Variants in PDGFD observed in about 807,000 individuals in gnomAD.
The protein encoded by PDGFD is platelet-derived growth factor D.
Under a neutral mutation model 44.7 loss-of-function variants are expected in PDGFD, and 30 were observed. The ratio of observed to expected loss-of-function variants is 0.67; its 90% CI spans 0.50 to 0.91. The LOEUF is 0.91. PDGFD is among the 40% of genes least tolerant of loss of function. The pLI is 0.00. For missense variants in PDGFD, 445 were observed against 457.8 expected (o/e 0.97, Z 0.25); for synonymous variants, 173 against 168.4 (o/e 1.03, Z -0.21).
chr11:104,153,824 G>T (rs920115007), intron 1 of PDGFD, among the ~76,000 whole-genome samples: 2 of 151,916 alleles, frequency 1.3e-5, no homozygotes, highest in African/African-American at 4.8e-5. Flanking sequence ...ATATTTTTGG[G>T]GGTCATTTGC....
intron 1 of PDGFD, among the ~76,000 whole-genome samples, chr11:104,019,007 G>C (rs890152272): frequency 6.6e-6 from 1 of 152,078 alleles, no homozygotes; most frequent in Non-Finnish European, 1.5e-5. Context: ...AATGCAGAGG[G>C]TGTCCTCTGC....
chr11:103,931,527 T>C (rs1858398880), intron 5 of PDGFD, among the ~76,000 whole-genome samples: 1 of 152,208 alleles, frequency 6.6e-6, no homozygotes, highest in Admixed American at 6.5e-5. Flanking sequence ...CCACAGACTG[T>C]CAGAGAATCC....
intron 1 of PDGFD, among the ~76,000 whole-genome samples, chr11:104,136,823 G>T (rs1565345667): frequency 6.6e-6 from 1 of 152,118 alleles, no homozygotes; most frequent in African/African-American, 2.4e-5. Flanking sequence ...TGAAGAATTT[G>T]TCCTGTCTGC....
chr11:103,987,023 A>C (rs1859376626), intron 3 of PDGFD, among the ~76,000 whole-genome samples: 1 of 151,798 alleles, frequency 6.6e-6, no homozygotes, highest in Non-Finnish European at 1.5e-5. Flanking sequence ...ACTCCCTATA[A>C]TTTCATCTCC....
In PDGFD at chr11:104,142,386, C is replaced by A. The variant is rs1226165199; in HGVS notation, c.124+21418G>T. Reference sequence around the variant, plus strand: ...TATTTATATAACATATACTCACACACAAATACAAATGCCTGGATACATAAT... The same window carrying A: ...TATTTATATAACATATACTCACACAAAAATACAAATGCCTGGATACATAAT... On this transcript the variant is annotated intron_variant, in intron 1 of 6. Coordinates refer to ENST00000393158, the MANE Select transcript of PDGFD (RefSeq NM_025208.5). Among the ~76,000 whole-genome samples the A allele has an allele frequency of 2.0e-5, 3 of 151,848 alleles. No individual in the cohort carries two copies. The East Asian group carries it at 5.8e-4, about 29-fold the overall frequency.
intron 1 of PDGFD, among the ~76,000 whole-genome samples, chr11:104,155,500 T>C (rs1219030082): frequency 2.6e-5 from 4 of 152,204 alleles, no homozygotes; most frequent in Non-Finnish European, 4.4e-5. Context: ...TCAGTGCTAA[T>C]AGTGTGAATA....
rs544866013 is a variant in PDGFD at position 104,151,503 on chromosome 11, C to T, written c.124+12301G>A. ...AATGTATGTGGAAAATATGAGACTT[C>T]GTTAGTTTAATTTACATTCCCAACA... On this transcript the variant is annotated intron_variant, in intron 1 of 6. Coordinates refer to ENST00000393158, the MANE Select transcript of PDGFD (RefSeq NM_025208.5). Among the ~76,000 whole-genome samples, 4 of 152,116 alleles carry T rather than the reference C, an allele frequency of 2.6e-5. No homozygotes were observed. In the South Asian group the frequency reaches 6.2e-4, roughly 24 times the overall value.
intron 1 of PDGFD, among the ~76,000 whole-genome samples, chr11:104,035,725 A>G (rs1205777801): frequency 2.6e-5 from 4 of 152,108 alleles, no homozygotes; most frequent in African/African-American, 9.7e-5. Flanking sequence ...TTATTGCACA[A>G]AATGTCTCAT....
chr11:104,014,742 G>T (rs1859835857), intron 1 of PDGFD, among the ~76,000 whole-genome samples: 1 of 152,142 alleles, frequency 6.6e-6, no homozygotes, highest in African/African-American at 2.4e-5. Flanking sequence ...AAATTGGTGA[G>T]CTTTATGGAA....
At chr11:104,004,311 A>G (rs1859666412) in intron 1 of PDGFD, among the ~76,000 whole-genome samples, 1 of 152,192 alleles carries the variant, frequency 6.6e-6, no homozygotes, top group Non-Finnish European at 1.5e-5. Flanking sequence ...ATATTTATTA[A>G]AAACAGGATG....
intron 3 of PDGFD, among the ~76,000 whole-genome samples, chr11:103,955,230 A>T (rs1424584035): frequency 1.4e-5 from 2 of 145,254 alleles, no homozygotes; most frequent in East Asian, 4.3e-4. Flanking sequence ...CAAACACATG[A>T]TCAACATCCA....
At chr11:104,127,172 A>C (rs965883663) in intron 1 of PDGFD, among the ~76,000 whole-genome samples, 1 of 152,130 alleles carries the variant, frequency 6.6e-6, no homozygotes, top group African/African-American at 2.4e-5. Flanking sequence ...AAGTGGCAAG[A>C]TTTGAGGCTG....
chr11:103,970,559 T>C (rs918953507), intron 3 of PDGFD, among the ~76,000 whole-genome samples: 1 of 152,068 alleles, frequency 6.6e-6, no homozygotes, highest in African/African-American at 2.4e-5. Context: ...GTTGACAAAC[T>C]TGAGGGAGCT....
chr11:104,119,957 ATATATT>A (rs1397579897), intron 1 of PDGFD, among the ~76,000 whole-genome samples: 1 of 140,092 alleles, frequency 7.1e-6, no homozygotes, highest in Non-Finnish European at 1.5e-5. Context: ...ATAAGTTATT[ATATATT>A]TATATTACAT....
intron 1 of PDGFD, among the ~76,000 whole-genome samples, chr11:104,142,379 TCA>T (rs1862098351): frequency 6.6e-6 from 1 of 152,006 alleles, no homozygotes; most frequent in African/African-American, 2.4e-5. Context: ...TAACATATAC[TCA>T]CACACAAATA....
chr11:103,910,130 G>A (rs548875049), intron 6 of PDGFD, among the ~76,000 whole-genome samples: 1 of 152,130 alleles, frequency 6.6e-6, no homozygotes, highest in Non-Finnish European at 1.5e-5. Context: ...TTTGGGCCAA[G>A]TACTGTTCCA....
intron 1 of PDGFD, among the ~76,000 whole-genome samples, chr11:104,050,438 C>G (rs1193761546): frequency 6.6e-6 from 1 of 152,064 alleles, no homozygotes; most frequent in Non-Finnish European, 1.5e-5. Flanking sequence ...CCCGAGGGCC[C>G]GCTTGAGATT....
intron 1 of PDGFD, among the ~76,000 whole-genome samples, chr11:104,094,642 T>C (rs1861257323): frequency 6.6e-6 from 1 of 152,164 alleles, no homozygotes. Context: ...TTCCATTCAT[T>C]CTGTTATCTA....
intron 1 of PDGFD, among the ~76,000 whole-genome samples, chr11:104,058,011 T>C (rs1860649449): frequency 6.6e-6 from 1 of 152,138 alleles, no homozygotes; most frequent in South Asian, 2.1e-4. Context: ...CCATCCAAAA[T>C]AATTAACTCA....
Sources: gnomAD v4.1 joint callset for allele counts (sites outside exome capture counted in the v4.1 genomes callset) on GRCh38, gnomAD v4.1.1 for gene constraint, MANE v1.5 for transcripts, NCBI Gene and HGNC (gene_info 2026-07-23, HGNC 2026-07-21) for gene names.